WDR72: variants seen among roughly 807,000 people sequenced by gnomAD.
WDR72 encodes WD repeat domain 72.
A neutral mutation model predicts 124.2 loss-of-function variants in WDR72; 120 were observed. The observed-to-expected ratio is 0.97, with a 90% CI of 0.83 to 1.12. WDR72 has a LOEUF of 1.12. Among genes scored for constraint, WDR72 ranks in the 50% most tolerant of loss-of-function variants. WDR72 has a pLI of 0.00. For synonymous variants in WDR72, 452 were observed against 441.7 expected, an observed-to-expected ratio of 1.02 and a Z score of -0.29; for missense variants, 1,387 against 1,278.8, an observed-to-expected ratio of 1.08 and a Z score of -1.29.
chr15:53,666,555 T>G (rs1297766810), intron 13 of WDR72, among the ~76,000 whole-genome samples: 1 of 152,212 alleles, frequency 6.6e-6, no homozygotes, highest in African/African-American at 2.4e-5. Context: ...TGAGTTCATT[T>G]GTATTATTCA....
chr15:53,646,843 T>C (rs1300206983), intron 14 of WDR72, among the ~76,000 whole-genome samples: 1 of 151,904 alleles, frequency 6.6e-6, no homozygotes, highest in Non-Finnish European at 1.5e-5. Flanking sequence ...TATGGCCAAA[T>C]AGGTGTAATA....
chr15:53,714,658 A>C, intron 5 of WDR72, 148 bp from the exon 6 acceptor site: 2 of 661,332 alleles, frequency 3.0e-6, no homozygotes, highest in Admixed American at 5.5e-5. Context: ...GAAAAAATAA[A>C]CATTTTACAT....
chr15:53,664,726 G>A (rs1483354690), intron 14 of WDR72, among the ~76,000 whole-genome samples: 1 of 152,000 alleles, frequency 6.6e-6, no homozygotes, highest in Non-Finnish European at 1.5e-5. Flanking sequence ...TAGGTTCATA[G>A]ATGTGTTATT....
chr15:53,613,972 C>T (rs553219517), intron 15 of WDR72, among the ~76,000 whole-genome samples: 1 of 152,062 alleles, frequency 6.6e-6, no homozygotes, highest in African/African-American at 2.4e-5. Context: ...TTTAGGCTCC[C>T]ACCTAAAATC....
At chr15:53,622,986 ATAAAT>A (rs990981746) in intron 14 of WDR72, among the ~76,000 whole-genome samples, 3 of 152,188 alleles carry the variant, frequency 2.0e-5, no homozygotes, top group Admixed American at 2.0e-4. Flanking sequence ...AAGAACTCAC[ATAAAT>A]TAATTTGTAA....
intron 13 of WDR72, among the ~76,000 whole-genome samples, chr15:53,671,403 A>C (rs689729): frequency 0.096 from 14,549 of 152,156 alleles, 1,863 homozygotes; most frequent in African/African-American, 0.29. Flanking sequence ...CACTTTATAG[A>C]ACTTATCACA....
chr15:53,650,907 T>TTTA (rs1427691920), intron 14 of WDR72, among the ~76,000 whole-genome samples: 1 of 150,530 alleles, frequency 6.6e-6, no homozygotes, highest in African/African-American at 2.4e-5. Context: ...TTTTTTTTTT[T>TTTA]TTTTTTTTTA....
intron 18 of WDR72, among the ~76,000 whole-genome samples, chr15:53,592,505 G>T (rs12441568): frequency 0.48 from 73,639 of 151,858 alleles, 18,355 homozygotes; most frequent in African/African-American, 0.59. Flanking sequence ...TTTTCTTGAT[G>T]TACAATAAAT....
At chr15:53,523,889 A>T (rs74015401) in intron 18 of WDR72, among the ~76,000 whole-genome samples, 1 of 152,056 alleles carries the variant, frequency 6.6e-6, no homozygotes, top group Non-Finnish European at 1.5e-5. Flanking sequence ...AAGAAGGGCT[A>T]TTGTTTCAAA....
At chr15:53,648,273 T>A (rs1457147147) in intron 14 of WDR72, among the ~76,000 whole-genome samples, 1 of 152,172 alleles carries the variant, frequency 6.6e-6, no homozygotes, top group African/African-American at 2.4e-5. Context: ...CCATTTGTTT[T>A]CACCTCTTTC....
In WDR72 at chr15:53,715,071, A is replaced by G. The variant is rs77529375; in HGVS notation, c.514+122T>C. The G allele has an allele frequency of 1.2e-3, 1,265 of 1,086,056 alleles. 10 individuals carry two copies. Among genetic ancestry groups the G allele is most frequent in the East Asian group, 5.6e-3 (216 of 38,866 alleles). The allele number at this position is 1,086,056 out of a possible 1,614,324, so 67.3% of individuals were successfully genotyped here. A position where few individuals can be genotyped will look rare whatever the true frequency, so the allele number is the denominator to read the frequency against. On this transcript the variant is annotated intron_variant, in intron 5 of 19. Coordinates refer to ENST00000360509, the MANE Select transcript of WDR72 (RefSeq NM_182758.4). ...TCAGGTGTATTACAGACATATCCTC[A>G]TTAACAGGTAAGCATAAAGAAGCAT...
At chr15:53,602,412 C>T (rs1373908203) in intron 17 of WDR72, among the ~76,000 whole-genome samples, 1 of 151,914 alleles carries the variant, frequency 6.6e-6, no homozygotes, top group Non-Finnish European at 1.5e-5. Context: ...AGCCTAACTT[C>T]ACAACTAAAA....
At chr15:53,664,959 T>C (rs541242971) in intron 14 of WDR72, among the ~76,000 whole-genome samples, 1 of 152,196 alleles carries the variant, frequency 6.6e-6, no homozygotes, top group South Asian at 2.1e-4. Flanking sequence ...GAGGTGAAAA[T>C]ACAAAAAGAT....
intron 13 of WDR72, among the ~76,000 whole-genome samples, chr15:53,670,617 CCTTT>C (rs2015952763): frequency 6.6e-6 from 1 of 152,204 alleles, no homozygotes; most frequent in East Asian, 1.9e-4. Context: ...CCTTGTTTTA[CCTTT>C]GATAGCTGTG....
At chr15:53,593,704 G>C (rs2012623864) in intron 18 of WDR72, among the ~76,000 whole-genome samples, 1 of 151,788 alleles carries the variant, frequency 6.6e-6, no homozygotes, top group Non-Finnish European at 1.5e-5. Context: ...TGAGGCTGCA[G>C]TGAGACAAGA....
intron 2 of WDR72, among the ~76,000 whole-genome samples, chr15:53,728,070 C>T (rs776483811): frequency 6.6e-6 from 1 of 152,168 alleles, no homozygotes; most frequent in Non-Finnish European, 1.5e-5. Context: ...TTTCACACCG[C>T]TGATAAAGAC....
At chr15:53,642,790 A>G (rs1223653344) in intron 14 of WDR72, among the ~76,000 whole-genome samples, 1 of 152,134 alleles carries the variant, frequency 6.6e-6, no homozygotes, top group Non-Finnish European at 1.5e-5. Flanking sequence ...AAGACATGCC[A>G]TCTACTTTAA....
At chr15:53,697,207 T>C (rs903190280) in intron 13 of WDR72, among the ~76,000 whole-genome samples, 5 of 152,216 alleles carry the variant, frequency 3.3e-5, no homozygotes, top group Non-Finnish European at 7.3e-5. Context: ...AATTAAAGCC[T>C]AGTATGTCCA....
At chr15:53,756,416 C>T (rs2140903508) in intron 1 of WDR72, among the ~76,000 whole-genome samples, 1 of 152,238 alleles carries the variant, frequency 6.6e-6, no homozygotes, top group South Asian at 2.1e-4. Context: ...GTCCTTAGAG[C>T]AGTATGAGAA....
Sources: gnomAD v4.1 joint callset for allele counts (sites outside exome capture counted in the v4.1 genomes callset) on GRCh38, gnomAD v4.1.1 for gene constraint, MANE v1.5 for transcripts, NCBI Gene and HGNC (gene_info 2026-07-23, HGNC 2026-07-21) for gene names.